The following LY86 variants were observed in gnomAD, a reference collection of about 807,000 sequenced individuals.
The protein encoded by LY86 is lymphocyte antigen 86.
In LY86, 20 loss-of-function variants were observed where a neutral mutation model predicts 17.3. That is an observed-to-expected ratio of 1.15 (90% CI 0.81 to 1.68). The LOEUF is 1.68. LY86 is among the 40% of genes most tolerant of loss of function. The probability of loss-of-function intolerance (pLI) is 0.00; values close to 1 mark genes in which losing one functional copy is unlikely to be tolerated. For missense variants in LY86, 200 were observed against 191.9 expected, an observed-to-expected ratio of 1.04 and a Z score of -0.25; for synonymous variants, 74 against 70.6, an observed-to-expected ratio of 1.05 and a Z score of -0.24.
Position 6,654,653 on chromosome 6 carries a change from C to G in LY86, c.*26C>G. On this transcript the variant is annotated 3_prime_UTR_variant, in exon 5 of 5. Coordinates refer to ENST00000230568, the MANE Select transcript of LY86 (RefSeq NM_004271.4). ...CTGTGGCCTGTAGCAAAAATCACAG[C>G]CAGCTGCATCTCGTGGGACCTCCAA... 2 of 1,592,994 alleles carry G rather than the reference C, an allele frequency of 1.3e-6. No individual in the cohort carries two copies. The highest frequency in any genetic ancestry group is 1.7e-6 in the Non-Finnish European group (2 of 1,161,006).
rs528523596 is a variant in LY86 at position 6,644,079 on chromosome 6, T to A, written c.353-5546T>A. Among the ~76,000 whole-genome samples, 3 of 152,342 alleles carry A rather than the reference T, an allele frequency of 2.0e-5. No individual in the cohort carries two copies. The South Asian group carries it at 6.2e-4, about 32-fold the overall frequency. Reference sequence around the variant, plus strand: ...CACCCTAAAAATGCTTCAGCATTAATGTACATTTTATAATAAATTTGGGAA... The same window carrying A: ...CACCCTAAAAATGCTTCAGCATTAAAGTACATTTTATAATAAATTTGGGAA... On this transcript the variant is annotated intron_variant, in intron 3 of 4. Transcript: ENST00000230568.
At chr6:6,634,970 G>T (rs947233126) in intron 3 of LY86, among the ~76,000 whole-genome samples, 14 of 152,210 alleles carry the variant, frequency 9.2e-5, no homozygotes, top group Admixed American at 2.6e-4. Flanking sequence ...TTCCCAGCAG[G>T]TGCTACTTGA....
At chr6:6,621,193 C>T (rs1761664025) in intron 1 of LY86, 1 of 152,210 alleles carries the variant, frequency 6.6e-6, no homozygotes, top group African/African-American at 2.4e-5. Flanking sequence ...TGCTGAAATA[C>T]AGTGAAGTAT....
Position 6,637,313 on chromosome 6 carries a change from A to G in LY86, c.352+10892A>G, listed in dbSNP as rs1246648834. Among the ~76,000 whole-genome samples, 14 of 152,068 alleles carry G rather than the reference A, an allele frequency of 9.2e-5. 1 individual carries two copies. The highest frequency in any genetic ancestry group is 9.2e-4 in the Admixed American group (14 of 15,274). On this transcript the variant is annotated intron_variant, in intron 3 of 4. Coordinates refer to ENST00000230568, the MANE Select transcript of LY86 (RefSeq NM_004271.4). ...GGCGTGAGCCACCGCACCTGGCCACATACTGTTTTTTAAGGAATTCTAGAG... is the reference window on the plus strand; with the variant it reads ...GGCGTGAGCCACCGCACCTGGCCACGTACTGTTTTTTAAGGAATTCTAGAG...
chr6:6,653,968 G>A (rs1762223717), intron 4 of LY86, among the ~76,000 whole-genome samples: 2 of 152,294 alleles, frequency 1.3e-5, no homozygotes, highest in South Asian at 2.1e-4. Flanking sequence ...TACCGACACA[G>A]GCGCCAGGGC....
chr6:6,592,953 T>TA (rs1760579521), intron 1 of LY86, among the ~76,000 whole-genome samples: 1 of 152,210 alleles, frequency 6.6e-6, no homozygotes, highest in South Asian at 2.1e-4. Flanking sequence ...GCATGAGAGG[T>TA]AAGAGCTTAG....
chr6:6,602,578 C>G lies in LY86; in HGVS notation c.136+13708C>G, dbSNP rs141880870. 7.0e-3 allele frequency among the ~76,000 whole-genome samples: 1,065 copies of G among 152,210 alleles called. 8 individuals carry two copies. Among genetic ancestry groups the G allele is most frequent in the African/African-American group, 0.024 (1,011 of 41,512 alleles). The stretch of plus-strand genomic sequence containing the variant: ...AGTGCAAGTTTGTTTGAGAAATGAT[C>G]CTGGTAGGCACCAGGAGAGTGAAGA... On this transcript the variant is annotated intron_variant, in intron 1 of 4. Coordinates refer to ENST00000230568, the MANE Select transcript of LY86 (RefSeq NM_004271.4).
chr6:6,641,609 G>A (rs931814845), intron 3 of LY86, among the ~76,000 whole-genome samples: 1 of 152,240 alleles, frequency 6.6e-6, no homozygotes, highest in African/African-American at 2.4e-5. Context: ...TCAAGGAACA[G>A]GTTCCAGGGC....
At chr6:6,597,162 C>T (rs1760740825) in intron 1 of LY86, among the ~76,000 whole-genome samples, 1 of 152,144 alleles carries the variant, frequency 6.6e-6, no homozygotes, top group South Asian at 2.1e-4. Flanking sequence ...GGTTTCAGAC[C>T]CAGGCCCGCA....
intron 3 of LY86, among the ~76,000 whole-genome samples, chr6:6,630,751 C>G (rs1761886085): frequency 6.6e-6 from 1 of 152,178 alleles, no homozygotes; most frequent in African/African-American, 2.4e-5. Flanking sequence ...ATTAACTGCT[C>G]CTGTGCTTTC....
At chr6:6,609,869 G>C (rs577468956) in intron 1 of LY86, among the ~76,000 whole-genome samples, 2 of 152,174 alleles carry the variant, frequency 1.3e-5, no homozygotes, top group South Asian at 4.1e-4. Flanking sequence ...AAGAATTCGT[G>C]CTTGTTCTGT....
At chr6:6,624,170 A>G (rs974763707) in intron 1 of LY86, among the ~76,000 whole-genome samples, 1 of 152,212 alleles carries the variant, frequency 6.6e-6, no homozygotes, top group Non-Finnish European at 1.5e-5. Flanking sequence ...GCCTCAAGGA[A>G]TGAAGGATGG....
At chr6:6,650,571 G>T (rs752810066) in intron 4 of LY86, among the ~76,000 whole-genome samples, 11 of 152,108 alleles carry the variant, frequency 7.2e-5, no homozygotes, top group Non-Finnish European at 1.5e-4. Flanking sequence ...CTGACCTCGT[G>T]ATCCACCCGC....
At chr6:6,611,121 A>G (rs1365560829) in intron 1 of LY86, among the ~76,000 whole-genome samples, 1 of 152,224 alleles carries the variant, frequency 6.6e-6, no homozygotes, top group Non-Finnish European at 1.5e-5. Context: ...CAAAGAAACA[A>G]GCTGGACTGT....
intron 1 of LY86, among the ~76,000 whole-genome samples, chr6:6,599,575 G>A (rs1022387258): frequency 2.0e-5 from 3 of 152,224 alleles, no homozygotes; most frequent in African/African-American, 4.8e-5. Context: ...TACTGGTGAA[G>A]CATTGGGTTG....
At chr6:6,605,657 G>A (rs529190443) in intron 1 of LY86, among the ~76,000 whole-genome samples, 2 of 152,370 alleles carry the variant, frequency 1.3e-5, no homozygotes, top group East Asian at 1.9e-4. Context: ...GTTCTACTGT[G>A]TCTGGAATTG....
At chr6:6,605,532 A>C (rs1761088654) in intron 1 of LY86, among the ~76,000 whole-genome samples, 1 of 152,202 alleles carries the variant, frequency 6.6e-6, no homozygotes, top group Non-Finnish European at 1.5e-5. Context: ...CCACAACGCT[A>C]CCCCATAACA....
At chr6:6,597,243 C>G (rs558117133) in intron 1 of LY86, among the ~76,000 whole-genome samples, 1 of 152,300 alleles carries the variant, frequency 6.6e-6, no homozygotes, top group African/African-American at 2.4e-5. Flanking sequence ...GGTGGAAGAA[C>G]CCATTCCCAG....
intron 3 of LY86, among the ~76,000 whole-genome samples, chr6:6,637,548 G>A (rs564879174): frequency 1.3e-5 from 2 of 152,256 alleles, no homozygotes; most frequent in Non-Finnish European, 2.9e-5. Flanking sequence ...CATAAATCCA[G>A]CTCAGTGACA....
Sources: gnomAD v4.1 joint callset for allele counts (sites outside exome capture counted in the v4.1 genomes callset) on GRCh38, gnomAD v4.1.1 for gene constraint, MANE v1.5 for transcripts, NCBI Gene and HGNC (gene_info 2026-07-23, HGNC 2026-07-21) for gene names.